Variants in MLIP observed in about 807,000 individuals in gnomAD.
MLIP encodes the protein muscular LMNA interacting protein.
A neutral mutation model predicts 84.8 loss-of-function variants in MLIP; 79 were observed. The ratio of observed to expected loss-of-function variants is 0.93; its 90% CI spans 0.78 to 1.12. The LOEUF (loss-of-function observed/expected upper bound fraction) is 1.12, where lower values mean the gene tolerates loss of function less well. Among genes scored for constraint, MLIP ranks in the 50% most tolerant of loss-of-function variants. MLIP has a pLI of 0.00. For missense variants in MLIP, 1,257 were observed against 1,160.6 expected, an observed-to-expected ratio of 1.08 and a Z score of -1.21; for synonymous variants, 504 against 463.0, an observed-to-expected ratio of 1.09 and a Z score of -1.14.
intron 10 of MLIP, among the ~76,000 whole-genome samples, chr6:54,200,068 A>G (rs1043156401): frequency 1.3e-5 from 2 of 152,122 alleles, no homozygotes; most frequent in East Asian, 3.9e-4. Flanking sequence ...CTGGTAGAGA[A>G]GCAAATATGA....
At position 54,224,772 on chromosome 6, in the gene MLIP, A is replaced by G. The variant is rs149369342; in HGVS notation, c.2719-5942A>G. 8.1e-3 allele frequency among the ~76,000 whole-genome samples: 1,231 copies of G among 151,266 alleles called. 15 individuals carry two copies. The highest frequency in any genetic ancestry group is 0.028 in the African/African-American group (1,154 of 41,148). On this transcript the variant is annotated intron_variant, in intron 11 of 13. Coordinates refer to ENST00000502396, the MANE Select transcript of MLIP (RefSeq NM_001281747.2). ...CCCCCAAGTCCCCAAAGTTCATTGTATCATTCTTAGGCCTTTGCATCCTCA... is the reference window on the plus strand; with the variant it reads ...CCCCCAAGTCCCCAAAGTTCATTGTGTCATTCTTAGGCCTTTGCATCCTCA...
intron 11 of MLIP, chr6:54,215,421 T>A: frequency 8.1e-7 from 1 of 1,232,240 alleles, no homozygotes; most frequent in East Asian, 3.2e-5. Flanking sequence ...TATTTGTGAT[T>A]TTTTTAAAAG....
intron 11 of MLIP, among the ~76,000 whole-genome samples, chr6:54,228,869 G>C (rs6934562): frequency 0.018 from 2,719 of 152,244 alleles, 75 homozygotes; most frequent in African/African-American, 0.061. Flanking sequence ...TTGCTACTCA[G>C]TTGTCATATT....
At chr6:54,134,661 G>T (rs1771657701) in intron 3 of MLIP, among the ~76,000 whole-genome samples, 1 of 151,958 alleles carries the variant, frequency 6.6e-6, no homozygotes, top group African/African-American at 2.4e-5. Flanking sequence ...GAGGAAATTG[G>T]AGAGGTTAGT....
At chr6:54,117,448 T>C (rs962311542) in intron 1 of MLIP, among the ~76,000 whole-genome samples, 3 of 150,806 alleles carry the variant, frequency 2.0e-5, no homozygotes, top group Admixed American at 2.0e-4. Flanking sequence ...TCTCCTGACC[T>C]TGTGAGCCAC....
chr6:54,258,409 A>G (rs955008853), intron 13 of MLIP, among the ~76,000 whole-genome samples: 5 of 152,098 alleles, frequency 3.3e-5, no homozygotes, highest in Admixed American at 1.3e-4. Context: ...AACATTAGTC[A>G]TTAAAATATA....
At chr6:54,122,489 T>C (rs1406859521) in intron 2 of MLIP, among the ~76,000 whole-genome samples, 1 of 152,222 alleles carries the variant, frequency 6.6e-6, no homozygotes, top group Non-Finnish European at 1.5e-5. Context: ...TGCTTACTTA[T>C]AAATAAAATG....
rs750169495 is a variant in MLIP at position 54,242,070 on chromosome 6, T to C, written c.2922+11153T>C. Among the ~76,000 whole-genome samples, 94 of 152,050 alleles carry C rather than the reference T, an allele frequency of 6.2e-4. 3 individuals carry two copies. Among genetic ancestry groups the C allele is most frequent in the Admixed American group, 3.1e-3 (47 of 15,258 alleles). On this transcript the variant is annotated intron_variant, in intron 12 of 13. Coordinates refer to ENST00000502396, the MANE Select transcript of MLIP (RefSeq NM_001281747.2). ...CCTTTTGTTTCCCCATCATAGAGGA[T>C]TAGGGGTTGGCATACCTAGTCTGGA...
chr6:54,037,248 C>T (rs182543177), intron 1 of MLIP, among the ~76,000 whole-genome samples: 8 of 152,098 alleles, frequency 5.3e-5, no homozygotes, highest in Non-Finnish European at 1.0e-4. Flanking sequence ...AGGGGTACAT[C>T]GTACAGCTGC....
chr6:54,155,393 G>T (rs966877260), intron 5 of MLIP, among the ~76,000 whole-genome samples: 5 of 152,076 alleles, frequency 3.3e-5, no homozygotes, highest in Non-Finnish European at 7.4e-5. Context: ...AAGTATAGGA[G>T]AATTTAGGCT....
chr6:54,123,934 T>C (rs1770682877), intron 2 of MLIP, among the ~76,000 whole-genome samples: 1 of 152,202 alleles, frequency 6.6e-6, no homozygotes, highest in African/African-American at 2.4e-5. Flanking sequence ...AATATCTGCA[T>C]CTTTTTTGGT....
intron 8 of MLIP, among the ~76,000 whole-genome samples, chr6:54,164,888 T>A (rs1474295809): frequency 6.6e-6 from 1 of 151,980 alleles, no homozygotes; most frequent in Non-Finnish European, 1.5e-5. Context: ...TTATTTCTAA[T>A]TCGGAGCTAT....
chr6:54,169,906 C>T (rs968297797), intron 9 of MLIP, among the ~76,000 whole-genome samples: 2 of 151,714 alleles, frequency 1.3e-5, no homozygotes, highest in African/African-American at 4.8e-5. Flanking sequence ...ATAGTCAACT[C>T]ATATACTTGA....
chr6:54,261,837 A>C, intron 13 of MLIP: 1 of 644,210 alleles, frequency 1.6e-6, no homozygotes, highest in African/African-American at 2.0e-5. Flanking sequence ...CAATTTTCCA[A>C]AACATTATTT....
intron 10 of MLIP, among the ~76,000 whole-genome samples, chr6:54,200,817 T>C (rs1308809744): frequency 1.3e-5 from 2 of 152,182 alleles, no homozygotes; most frequent in Admixed American, 6.5e-5. Flanking sequence ...AGTTGTCATA[T>C]ACATGAAAGA....
In MLIP at chr6:54,069,821, T is replaced by A. The variant is rs112939759; in HGVS notation, c.63+50730T>A. Among the ~76,000 whole-genome samples, 29 of 100,292 alleles carry A rather than the reference T, an allele frequency of 2.9e-4. 5 individuals are homozygous for A. Among genetic ancestry groups the A allele is most frequent in the African/African-American group, 6.9e-4 (27 of 39,278 alleles). 65.8% of individuals were successfully genotyped at this position (100,292 alleles called of 152,430 possible). ...AAAAGACTCAAATCAACTGTATTTT[T>A]AATTTGAGCATAATAGACTGAACCA... On this transcript the variant is annotated intron_variant, in intron 1 of 12. Transcript: ENST00000274897.
chr6:54,106,485 A>T (rs1174017700), upstream of MLIP, among the ~76,000 whole-genome samples: 1 of 152,206 alleles, frequency 6.6e-6, no homozygotes, highest in Admixed American at 6.5e-5. Flanking sequence ...TGATTCGGAA[A>T]GAAGACGATG....
intron 1 of MLIP, among the ~76,000 whole-genome samples, chr6:54,085,841 T>A (rs923110528): frequency 1.6e-4 from 24 of 152,164 alleles, no homozygotes; most frequent in African/African-American, 5.8e-4. Flanking sequence ...GGCCTTCATT[T>A]ATTTATTTTC....
At chr6:54,074,589 T>C (rs2150348243) in intron 1 of MLIP, among the ~76,000 whole-genome samples, 1 of 152,224 alleles carries the variant, frequency 6.6e-6, no homozygotes, top group African/African-American at 2.4e-5. Context: ...AATTAATAGG[T>C]GTATCCTCTT....
Sources: allele counts gnomAD v4.1 joint callset (sites outside exome capture counted in the v4.1 genomes callset), GRCh38; gene constraint gnomAD v4.1.1; transcripts MANE v1.5; gene names NCBI Gene and HGNC (gene_info 2026-07-23, HGNC 2026-07-21).